APCDD1: variants seen among roughly 807,000 people sequenced by gnomAD.
The protein encoded by APCDD1 is APC down-regulated 1, also known as protein APCDD1.
A neutral mutation model predicts 38.1 loss-of-function variants in APCDD1; 15 were observed. That is an observed-to-expected ratio of 0.39 (90% CI 0.26 to 0.61). APCDD1 has a LOEUF of 0.61. Ranked by LOEUF, APCDD1 falls within the 20% of genes least tolerant of loss-of-function variation. The pLI is 0.49. For synonymous variants in APCDD1, 261 were observed against 279.7 expected (o/e 0.93, Z 0.67); for missense variants, 647 against 696.2 (o/e 0.93, Z 0.79).
At chr18:10,487,506 G>C in intron 4 of APCDD1, 84 bp from the exon 5 acceptor site, 1 of 1,355,432 alleles carries the variant, frequency 7.4e-7, no homozygotes, top group Non-Finnish European at 1.1e-6. Context: ...TGTCTAGTTA[G>C]AGTGTGGCCA....
chr18:10,480,623 G>A (rs1001412783), intron 3 of APCDD1, among the ~76,000 whole-genome samples: 3 of 152,122 alleles, frequency 2.0e-5, no homozygotes, highest in Non-Finnish European at 4.4e-5. Context: ...CACTTGGGGA[G>A]GCTGAGGCAG....
intron 3 of APCDD1, among the ~76,000 whole-genome samples, chr18:10,480,826 T>C (rs1391933343): frequency 6.6e-6 from 1 of 151,248 alleles, no homozygotes; most frequent in Non-Finnish European, 1.5e-5. Context: ...TGAGATCACA[T>C]CACTGCACTC....
chr18:10,458,213 T>C (rs2030431099), intron 1 of APCDD1, among the ~76,000 whole-genome samples: 4 of 152,364 alleles, frequency 2.6e-5, no homozygotes, highest in Middle Eastern at 3.4e-3. Context: ...GAGCTGATGT[T>C]GGGAGAGATG....
intron 1 of APCDD1, among the ~76,000 whole-genome samples, chr18:10,464,133 A>G (rs1375057233): frequency 6.6e-6 from 1 of 152,140 alleles, no homozygotes; most frequent in Non-Finnish European, 1.5e-5. Flanking sequence ...TAAAAACGTA[A>G]CTGTAGGCCT....
intron 1 of APCDD1, among the ~76,000 whole-genome samples, chr18:10,456,162 G>A (rs1056444293): frequency 2.0e-5 from 3 of 152,200 alleles, no homozygotes; most frequent in African/African-American, 7.2e-5. Context: ...TGGATGGCTC[G>A]CATAGCTCCA....
intron 3 of APCDD1, among the ~76,000 whole-genome samples, chr18:10,480,703 A>G (rs1382047586): frequency 8.5e-6 from 1 of 117,916 alleles, no homozygotes; most frequent in African/African-American, 3.2e-5. Context: ...CTCTACAAAA[A>G]ATACAAAAAA....
At chr18:10,481,663 A>G (rs2031141085) in intron 3 of APCDD1, among the ~76,000 whole-genome samples, 1 of 144,216 alleles carries the variant, frequency 6.9e-6, no homozygotes, top group African/African-American at 2.6e-5. Flanking sequence ...TATGTTAGGT[A>G]TTTTTTTAAA....
chr18:10,477,971 C>G (rs761094117), intron 3 of APCDD1: 5 of 152,146 alleles, frequency 3.3e-5, no homozygotes, highest in Non-Finnish European at 7.4e-5. Flanking sequence ...TTTTATTATT[C>G]TAATGTTAAC....
rs1441163568 is a variant in APCDD1 at position 10,485,276 on chromosome 18, C to T, written c.775-186C>T. ...GCATAGGTCTGTACTGTCAGGCAAA[C>T]GTGTGCACTCACACATCACTCTCAC... On this transcript the variant is annotated intron_variant, in intron 3 of 4. Transcript: ENST00000355285. This position sits in a 1 kb window ranked among gnomAD's most constrained non-coding sequence, Gnocchi z 5.8. Among the ~76,000 whole-genome samples the T allele has an allele frequency of 6.6e-6, 1 of 152,046 alleles. No individual in the cohort carries two copies. Among genetic ancestry groups the T allele is most frequent in the African/African-American group, 2.4e-5 (1 of 41,390 alleles).
intron 1 of APCDD1, 27 bp downstream of exon 1, chr18:10,455,066 C>A: frequency 6.4e-7 from 1 of 1,554,166 alleles, no homozygotes; most frequent in Non-Finnish European, 8.7e-7. Flanking sequence ...CACTCGAGCG[C>A]TCCCAGCCGG....
chr18:10,487,469 TG>T, intron 4 of APCDD1, 120 bp from the exon 5 acceptor site: 1 of 968,704 alleles, frequency 1.0e-6, no homozygotes. Flanking sequence ...GGTCTGTAGG[TG>T]GGATTGTTTT....
At position 10,455,026 on chromosome 18, in the gene APCDD1, C is replaced by A. The variant is rs370858071; in HGVS notation, c.45C>A (p.Ala15=). 16 of 1,565,084 alleles carry A rather than the reference C, an allele frequency of 1.0e-5. No individual in the cohort carries two copies. The highest frequency in any genetic ancestry group is 1.8e-4 in the Middle Eastern group (1 of 5,654). The stretch of plus-strand genomic sequence containing the variant: ...TCCTGCTCAGATACCTGTTCCCGGC[C>A]CTCCTGCTTCACGGTGAGTTCCCGA... The part of the protein sequence containing the change: ...RRLLLRYLFP[A]LLLHGLGEGS... The change falls in exon 1 of 5, where the codon GCC becomes GCA. Residue 15 remains alanine, a synonymous_variant. Coordinates refer to ENST00000355285, the MANE Select transcript of APCDD1 (RefSeq NM_153000.5).
At position 10,472,353 on chromosome 18, in the gene APCDD1, G is replaced by A. The variant is rs958252478; in HGVS notation, c.774+292G>A. ...GATGATGGTTCTAGAAAATTCCTAA[G>A]GCTCCTTTCAGCTCTCCCATCCCAG... On this transcript the variant is annotated intron_variant, in intron 3 of 4. Coordinates refer to ENST00000355285, the MANE Select transcript of APCDD1 (RefSeq NM_153000.5). This position sits in a 1 kb window ranked among gnomAD's most constrained non-coding sequence, Gnocchi z 6.6. Among the ~76,000 whole-genome samples, 7 of 152,168 alleles carry A rather than the reference G, an allele frequency of 4.6e-5. No individual in the cohort carries two copies. Among genetic ancestry groups the A allele is most frequent in the African/African-American group, 1.7e-4 (7 of 41,426 alleles).
At chr18:10,484,456 G>A (rs771851626) in intron 3 of APCDD1, among the ~76,000 whole-genome samples, 3 of 152,050 alleles carry the variant, frequency 2.0e-5, no homozygotes, top group Non-Finnish European at 2.9e-5. Context: ...AAAATGTATC[G>A]TTTAACCAGT....
In APCDD1 at chr18:10,454,642, C is replaced by G; in HGVS notation, c.-340C>G. On this transcript the variant is annotated 5_prime_UTR_variant, in exon 1 of 5. Coordinates refer to ENST00000355285, the MANE Select transcript of APCDD1 (RefSeq NM_153000.5). ...GCGGCGCGCTGGAAATATGAAGAGA[C>G]GCTGCAGCTGCGGTGGCGGTGGCGG... 9.4e-7 allele frequency: 1 copy of G among 1,060,550 alleles called. No individual in the cohort carries two copies. The highest frequency in any genetic ancestry group is 1.1e-6 in the Non-Finnish European group (1 of 874,596). The allele number at this position is 1,060,550 out of a possible 1,614,324, so 65.7% of individuals were successfully genotyped here.
In APCDD1 at chr18:10,469,998, G is replaced by C. The variant is rs939261910; in HGVS notation, c.242+1346G>C. Among the ~76,000 whole-genome samples, 7 of 152,192 alleles carry C rather than the reference G, an allele frequency of 4.6e-5. No individual in the cohort carries two copies. Among genetic ancestry groups the C allele is most frequent in the African/African-American group, 7.2e-5 (3 of 41,442 alleles). ...AGTCATTGAAGAGCTTTCAGCAGGGGCCATGCTTAAAATATGATTCAGCTT... is the reference window on the plus strand; with the variant it reads ...AGTCATTGAAGAGCTTTCAGCAGGGCCCATGCTTAAAATATGATTCAGCTT... On this transcript the variant is annotated intron_variant, in intron 2 of 4. Coordinates refer to ENST00000355285, the MANE Select transcript of APCDD1 (RefSeq NM_153000.5). This position sits in a 1 kb window ranked among gnomAD's most constrained non-coding sequence, Gnocchi z 5.5.
chr18:10,473,806 G>C (rs1311093085), intron 3 of APCDD1, among the ~76,000 whole-genome samples: 1 of 152,134 alleles, frequency 6.6e-6, no homozygotes, highest in Non-Finnish European at 1.5e-5. Flanking sequence ...CACTGTAGCT[G>C]CATAGCATTT....
chr18:10,455,865 T>A (rs994293371), intron 1 of APCDD1, among the ~76,000 whole-genome samples: 4 of 152,198 alleles, frequency 2.6e-5, no homozygotes, highest in Non-Finnish European at 5.9e-5. Context: ...GTCGGGTTCA[T>A]AATCCTGACA....
chr18:10,472,406 A>G lies in APCDD1; in HGVS notation c.774+345A>G. 6.6e-6 allele frequency among the ~76,000 whole-genome samples: 1 copy of G among 152,212 alleles called. No individual in the cohort carries two copies. The highest frequency in any genetic ancestry group is 1.9e-4 in the East Asian group (1 of 5,194). On this transcript the variant is annotated intron_variant, in intron 3 of 4. Coordinates refer to ENST00000355285, the MANE Select transcript of APCDD1 (RefSeq NM_153000.5). This position sits in a 1 kb window ranked among gnomAD's most constrained non-coding sequence, Gnocchi z 6.6. ...ACCTCTTCAGTGATTCCAAGAGGAC[A>G]GTGTGAAGGCGATGTCATAACCACA...
Sources: gnomAD v4.1 joint callset for allele counts (sites outside exome capture counted in the v4.1 genomes callset) on GRCh38, gnomAD v4.1.1 for gene constraint, Gnocchi (gnomAD v3.1) non-coding constraint, MANE v1.5 for transcripts, NCBI Gene and HGNC (gene_info 2026-07-23, HGNC 2026-07-21) for gene names.